The following MFSD11 variants were observed in gnomAD, a reference collection of about 807,000 sequenced individuals.
MFSD11 encodes the protein UNC93-like protein MFSD11.
MFSD11 carries 36 observed loss-of-function variants against 53.5 expected under a neutral mutation model. The ratio of observed to expected loss-of-function variants is 0.67; its 90% CI spans 0.52 to 0.89. The LOEUF (loss-of-function observed/expected upper bound fraction) is 0.89. Among genes scored for constraint, MFSD11 ranks in the 40% least tolerant of loss-of-function variants. The probability of loss-of-function intolerance (pLI) is 0.00; values close to 1 mark genes in which losing one functional copy is unlikely to be tolerated. For synonymous variants in MFSD11, 186 were observed against 184.9 expected (o/e 1.01, Z -0.05); for missense variants, 530 against 543.9 (o/e 0.97, Z 0.25).
intron 8 of MFSD11, among the ~76,000 whole-genome samples, chr17:76,763,527 G>T (rs530820151): frequency 1.3e-5 from 2 of 152,190 alleles, no homozygotes; most frequent in Admixed American, 6.5e-5. Flanking sequence ...GCCTCCCAAA[G>T]TGCTGGGATT....
At chr17:76,758,218 T>C (rs148664235) in intron 8 of MFSD11, among the ~76,000 whole-genome samples, 69 of 152,178 alleles carry the variant, frequency 4.5e-4, no homozygotes, top group African/African-American at 1.6e-3. Flanking sequence ...AAAAATAATA[T>C]AGATCCATAC....
rs1264374356 is a variant in MFSD11, at chr17:76,742,056, T to G, written c.340+8T>G. Reference sequence around the variant, plus strand: ...TTGGAATTGCTGCTGCTGGTAAGCATTTTGATTTTTAACTTCTCTGCTTTC... The same window carrying G: ...TTGGAATTGCTGCTGCTGGTAAGCAGTTTGATTTTTAACTTCTCTGCTTTC... On this transcript the variant is annotated splice_region_variant and intron_variant, in intron 4 of 12. Coordinates refer to ENST00000685175, the MANE Select transcript of MFSD11 (RefSeq NM_001242532.5). 6.2e-7 allele frequency: 1 copy of G among 1,614,192 alleles called. No homozygotes were observed. The highest frequency in any genetic ancestry group is 8.5e-7 in the Non-Finnish European group (1 of 1,180,032).
rs1483672390 is a variant in MFSD11, at chr17:76,776,651, T to A, written c.1185+110T>A. On this transcript the variant is annotated intron_variant, in intron 12 of 12. Coordinates refer to ENST00000685175, the MANE Select transcript of MFSD11 (RefSeq NM_001242532.5). The surrounding 1 kb of genome is among the most constrained non-coding windows in gnomAD (Gnocchi z 4.2). ...GGTTTTAATTTTTATTTATTTATTT[T>A]TATTTTTTTGATAGAGTCTCTCTCT... 4.5e-6 allele frequency: 5 copies of A among 1,115,032 alleles called. No homozygotes were observed. The highest frequency in any genetic ancestry group is 6.1e-6 in the Non-Finnish European group (5 of 826,096). 69.1% of individuals were successfully genotyped at this position (1,115,032 alleles called of 1,614,324 possible). A position where few individuals can be genotyped will look rare whatever the true frequency, so the allele number is the denominator to read the frequency against.
At chr17:76,772,455 A>G (rs1020828383) in intron 10 of MFSD11, among the ~76,000 whole-genome samples, 1 of 151,964 alleles carries the variant, frequency 6.6e-6, no homozygotes, top group Non-Finnish European at 1.5e-5. Context: ...AAATAGTACA[A>G]TGAACATCTG....
At chr17:76,759,363 A>G (rs1241645807) in intron 8 of MFSD11, among the ~76,000 whole-genome samples, 5 of 151,828 alleles carry the variant, frequency 3.3e-5, no homozygotes, top group Non-Finnish European at 7.4e-5. Context: ...GCTCACTACA[A>G]TCTCCGCCTC....
intron 6 of MFSD11, 86 bp from the exon 7 acceptor site, chr17:76,744,236 G>A (rs555597627): frequency 7.7e-7 from 1 of 1,304,470 alleles, no homozygotes; most frequent in East Asian, 2.6e-5. Context: ...GAAGTGTGTT[G>A]ACAGTTGTAA....
chr17:76,755,752 G>GTATA (rs1466011873), intron 8 of MFSD11, among the ~76,000 whole-genome samples: 2 of 115,232 alleles, frequency 1.7e-5, no homozygotes, highest in African/African-American at 3.0e-5. Context: ...ATATATATGT[G>GTATA]TATATGTATA....
At chr17:76,746,626 T>G (rs1180138901) in intron 7 of MFSD11, among the ~76,000 whole-genome samples, 1 of 152,206 alleles carries the variant, frequency 6.6e-6, no homozygotes, top group Non-Finnish European at 1.5e-5. Context: ...CCAGAAACCC[T>G]ATGACCCTTA....
At chr17:76,760,277 C>CAA (rs549267564) in intron 8 of MFSD11, among the ~76,000 whole-genome samples, 1 of 92,624 alleles carries the variant, frequency 1.1e-5, no homozygotes, top group Non-Finnish European at 2.3e-5. Context: ...AACTCTGTCT[C>CAA]AAAAAAAAAA....
Position 76,744,341 on chromosome 17 carries a change from G to T in MFSD11, c.516G>T (p.Val172=). The part of the protein sequence containing the change: ...TQISESDRRT[V]FIALTVISLV... ...CCGTAGAGAGTGACCGAAGAACAGT[G>T]TTTATTGCCCTAACGGTGATTAGCC... The change falls in exon 7 of 13, where the codon GTG becomes GTT. Residue 172 remains valine, a synonymous_variant. Coordinates refer to ENST00000685175, the MANE Select transcript of MFSD11 (RefSeq NM_001242532.5). The T allele has an allele frequency of 6.2e-7, 1 of 1,612,228 alleles. No individual in the cohort carries two copies. Among genetic ancestry groups the T allele is most frequent in the Non-Finnish European group, 8.5e-7 (1 of 1,179,542 alleles).
At chr17:76,737,977 G>T, upstream of MFSD11, 1 of 276,542 alleles carries the variant, frequency 3.6e-6, no homozygotes, top group Non-Finnish European at 6.7e-6. Flanking sequence ...CTGCGGTCAG[G>T]TGACCCGGTC....
At chr17:76,783,720 A>C (rs2082227112), downstream of MFSD11, among the ~76,000 whole-genome samples, 1 of 151,960 alleles carries the variant, frequency 6.6e-6, no homozygotes, top group Admixed American at 6.6e-5. Context: ...CACCACGCCC[A>C]GCCTATTTAT....
chr17:76,782,829 G>A (rs1363511473), downstream of MFSD11, among the ~76,000 whole-genome samples: 1 of 152,038 alleles, frequency 6.6e-6, no homozygotes, highest in Admixed American at 6.6e-5. Context: ...TGACTCTTTA[G>A]ATGACTGGAT....
At chr17:76,765,775 A>G (rs1231374187) in intron 8 of MFSD11, among the ~76,000 whole-genome samples, 1 of 151,856 alleles carries the variant, frequency 6.6e-6, no homozygotes, top group Non-Finnish European at 1.5e-5. Context: ...GGATCAATCT[A>G]TTTCTGCAAA....
the MFSD11 span, among the ~76,000 whole-genome samples, chr17:76,789,537 C>A: frequency 1.3e-5 from 2 of 150,056 alleles, 1 homozygote; most frequent in East Asian, 3.9e-4. Flanking sequence ...TATCAGGAAG[C>A]TGCTGATCAC....
chr17:76,779,860 G>A (rs8068021), downstream of MFSD11, among the ~76,000 whole-genome samples: 1,050 of 152,252 alleles, frequency 6.9e-3, 17 homozygotes, highest in African/African-American at 0.024. Context: ...TTTACTGAGG[G>A]AGGACTTTTG....
intron 9 of MFSD11, among the ~76,000 whole-genome samples, chr17:76,767,903 A>T (rs1361555126): frequency 6.6e-6 from 1 of 152,228 alleles, no homozygotes; most frequent in African/African-American, 2.4e-5. Flanking sequence ...ATTCCACACA[A>T]GGTTCAGAAA....
chr17:76,790,452 G>A, the MFSD11 span, among the ~76,000 whole-genome samples: 3 of 143,184 alleles, frequency 2.1e-5, no homozygotes, highest in Admixed American at 6.9e-5. Context: ...AGCAATTCTC[G>A]TGCCTCAGCC....
chr17:76,770,240 G>A (rs1401443708), intron 10 of MFSD11, among the ~76,000 whole-genome samples: 2 of 151,662 alleles, frequency 1.3e-5, no homozygotes, highest in African/African-American at 2.4e-5. Flanking sequence ...GGGTTTCACC[G>A]CATTAGCCAG....
Sources: allele counts gnomAD v4.1 joint callset (sites outside exome capture counted in the v4.1 genomes callset), GRCh38; gene constraint gnomAD v4.1.1; non-coding constraint Gnocchi (gnomAD v3.1); transcripts MANE v1.5; gene names NCBI Gene and HGNC (gene_info 2026-07-23, HGNC 2026-07-21).